Variants in CUX1 observed in about 807,000 individuals in gnomAD.
The protein encoded by CUX1 is cut like homeobox 1.
A neutral mutation model predicts 158.8 loss-of-function variants in CUX1; 31 were observed. That is an observed-to-expected ratio of 0.20 (90% CI 0.15 to 0.26). The LOEUF is 0.26. Among genes scored for constraint, CUX1 ranks in the 10% least tolerant of loss-of-function variants. CUX1 has a pLI of 1.00. For synonymous variants in CUX1, 879 were observed against 862.1 expected (o/e 1.02, Z -0.34); for missense variants, 1,589 against 2,014.6 (o/e 0.79, Z 4.04).
Position 101,821,617 on chromosome 7 carries a change from C to T in CUX1, c.30+3948C>T, listed in dbSNP as rs1326093041. ...CCTCCCGAAGTGCTGGGATTACAGG[C>T]GTGAGCCACCGTGCCCGGCCCCTAT... On this transcript the variant is annotated intron_variant, in intron 1 of 23. Transcript: ENST00000292535. Among the ~76,000 whole-genome samples, 13 of 148,328 alleles carry T rather than the reference C, an allele frequency of 8.8e-5. 1 individual carries two copies. The highest frequency in any genetic ancestry group is 8.0e-4 in the Admixed American group (12 of 14,938).
intron 2 of CUX1, among the ~76,000 whole-genome samples, chr7:101,982,794 T>C (rs1331791202): frequency 6.6e-6 from 1 of 151,990 alleles, no homozygotes; most frequent in Non-Finnish European, 1.5e-5. Context: ...CATATGTATA[T>C]ATGTACCATG....
intron 2 of CUX1, among the ~76,000 whole-genome samples, chr7:101,919,335 G>T (rs756321151): frequency 6.6e-5 from 10 of 152,166 alleles, no homozygotes; most frequent in Non-Finnish European, 1.2e-4. Flanking sequence ...GTCTTGAGGA[G>T]CCACCACTGC....
At chr7:101,835,174 G>A (rs1020369496) in intron 1 of CUX1, among the ~76,000 whole-genome samples, 4 of 151,866 alleles carry the variant, frequency 2.6e-5, no homozygotes, top group South Asian at 2.1e-4. Context: ...CTGTACCCCC[G>A]GCACCCCGTA....
At chr7:102,158,438 C>A in intron 8 of CUX1, 122 bp from the exon 9 acceptor site, 1 of 838,696 alleles carries the variant, frequency 1.2e-6, no homozygotes, top group Non-Finnish European at 1.9e-6. Context: ...TCCTGCTGGA[C>A]AGCATTGACT....
At chr7:102,148,514 G>A (rs2131468101) in intron 8 of CUX1, among the ~76,000 whole-genome samples, 1 of 152,046 alleles carries the variant, frequency 6.6e-6, no homozygotes, top group South Asian at 2.1e-4. Flanking sequence ...GTGCACTCCA[G>A]CTTGGGCAAC....
chr7:102,113,125 G>A lies in CUX1; in HGVS notation c.607+1351G>A, dbSNP rs143887995. Among the ~76,000 whole-genome samples, 1,349 of 152,230 alleles carry A rather than the reference G, an allele frequency of 8.9e-3. 24 individuals carry two copies. The highest frequency in any genetic ancestry group is 0.031 in the African/African-American group (1,280 of 41,530). ...TGAACAGTCAGTTCACAGAAGAAAT[G>A]CAAATGGAAACTACACATATGAAAA... On this transcript the variant is annotated intron_variant, in intron 7 of 23. Transcript: ENST00000292535.
In CUX1 at chr7:102,149,156, A is replaced by C. The variant is rs182934095; in HGVS notation, c.675-9404A>C. ...CTGAAAAGTTGTTACAAAATTGAAC[A>C]GGCTTCCATTTCCCTGTGGCCTCTC... On this transcript the variant is annotated intron_variant, in intron 8 of 23. Coordinates refer to ENST00000292535, the MANE Select transcript of CUX1 (RefSeq NM_181552.4). 3.9e-3 allele frequency among the ~76,000 whole-genome samples: 598 copies of C among 152,126 alleles called. 2 individuals are homozygous for C. The highest frequency in any genetic ancestry group is 0.014 in the African/African-American group (577 of 41,498).
chr7:101,988,472 C>T (rs1814627331), intron 2 of CUX1, among the ~76,000 whole-genome samples: 1 of 152,162 alleles, frequency 6.6e-6, no homozygotes, highest in Admixed American at 6.5e-5. Context: ...TCCTCTTCAC[C>T]TCCTGCCACA....
intron 22 of CUX1, 44 bp downstream of exon 22, chr7:102,234,284 T>G: frequency 2.8e-6 from 4 of 1,440,980 alleles, no homozygotes; most frequent in Non-Finnish European, 3.7e-6. Context: ...TCCGCATTCA[T>G]AGACAGGCTG....
At chr7:102,120,697 C>A (rs1453260472) in intron 8 of CUX1, among the ~76,000 whole-genome samples, 1 of 152,320 alleles carries the variant, frequency 6.6e-6, no homozygotes, top group African/African-American at 2.4e-5. Flanking sequence ...TAACTCAGCA[C>A]TGGGGAGCCT....
chr7:102,247,667 T>A (rs972214003), intron 23 of CUX1, among the ~76,000 whole-genome samples: 4 of 151,994 alleles, frequency 2.6e-5, no homozygotes, highest in Admixed American at 1.3e-4. Flanking sequence ...CTTTAAAAAA[T>A]TTAAAAATTA....
At chr7:102,055,033 G>A (rs761173732) in intron 3 of CUX1, among the ~76,000 whole-genome samples, 4 of 151,436 alleles carry the variant, frequency 2.6e-5, no homozygotes, top group Non-Finnish European at 4.4e-5. Context: ...AATCAACTTC[G>A]TGACTATTGC....
chr7:101,872,709 G>C (rs1044761749), intron 1 of CUX1, among the ~76,000 whole-genome samples: 1 of 151,816 alleles, frequency 6.6e-6, no homozygotes, highest in Non-Finnish European at 1.5e-5. Flanking sequence ...GGCCTTTTTT[G>C]CACTTCTAGG....
chr7:102,154,498 G>A (rs1479875323), intron 8 of CUX1: 4 of 150,684 alleles, frequency 2.7e-5, no homozygotes, highest in African/African-American at 9.8e-5. Context: ...ACATGCGCCT[G>A]TAGTCCTAGC....
chr7:101,917,779 A>G (rs2970493), intron 2 of CUX1, among the ~76,000 whole-genome samples: 130,234 of 151,948 alleles, frequency 0.86, 56,301 homozygotes, highest in African/African-American at 0.94. Flanking sequence ...GTGGTCACCC[A>G]CCGTTCTGTA....
In CUX1 at chr7:102,252,243, C is replaced by G; in HGVS notation, c.*3201C>G. The G allele has an allele frequency of 1.0e-6, 1 of 985,488 alleles. No homozygotes were observed. Among genetic ancestry groups the G allele is most frequent in the Non-Finnish European group, 1.2e-6 (1 of 829,972 alleles). The allele number at this position is 985,488 out of a possible 1,614,324, so 61.0% of individuals were successfully genotyped here. A position where few individuals can be genotyped will look rare whatever the true frequency, so the allele number is the denominator to read the frequency against. On this transcript the variant is annotated 3_prime_UTR_variant, in exon 24 of 24. Coordinates refer to ENST00000292535, the MANE Select transcript of CUX1 (RefSeq NM_181552.4). The stretch of plus-strand genomic sequence containing the variant: ...CAATCCGTGGCCAGGGGAGCACCCC[C>G]TCCTGGTTGGGCCCCTCAGTTGGAG...
intron 9 of CUX1, among the ~76,000 whole-genome samples, chr7:102,162,223 T>A (rs1421050682): frequency 1.3e-5 from 2 of 152,156 alleles, no homozygotes; most frequent in African/African-American, 2.4e-5. Context: ...CCAGGCTTTT[T>A]CTGAGAGACC....
intron 4 of CUX1, among the ~76,000 whole-genome samples, chr7:102,087,545 A>C (rs1828073934): frequency 6.6e-6 from 1 of 152,210 alleles, no homozygotes; most frequent in African/African-American, 2.4e-5. Flanking sequence ...GTGCCGTTGC[A>C]TTCCAGCCTG....
chr7:101,893,157 A>ATTTTTTTT (rs1801070220), intron 1 of CUX1, among the ~76,000 whole-genome samples: 1 of 43,488 alleles, frequency 2.3e-5, no homozygotes, highest in Admixed American at 2.9e-4. Flanking sequence ...TATTTTTATT[A>ATTTTTTTT]CTTTTTTTTT....
Sources: allele counts gnomAD v4.1 joint callset (sites outside exome capture counted in the v4.1 genomes callset), GRCh38; gene constraint gnomAD v4.1.1; transcripts MANE v1.5; gene names NCBI Gene and HGNC (gene_info 2026-07-23, HGNC 2026-07-21).